BRD1: variants seen among roughly 807,000 people sequenced by gnomAD.
BRD1 encodes bromodomain containing 1, also known as bromodomain-containing protein 1.
Under a neutral mutation model 107.7 loss-of-function variants are expected in BRD1, and 24 were observed. The observed-to-expected ratio is 0.22, with a 90% confidence interval of 0.16 to 0.31. The LOEUF is 0.31. Among genes scored for constraint, BRD1 ranks in the 10% least tolerant of loss-of-function variants. BRD1 has a pLI of 1.00. For missense variants in BRD1, 1,279 were observed against 1,638.6 expected (o/e 0.78, Z 3.79); for synonymous variants, 744 against 686.1 (o/e 1.08, Z -1.32).
At position 49,827,721 on chromosome 22, in the gene BRD1, CGGGGCCCAGCTGGAGGCCCGGCTCGG is replaced by C. The variant is rs1176430345; in HGVS notation, c.-265_-240del. Among the ~76,000 whole-genome samples, 9 of 143,832 alleles carry C rather than the reference CGGGGCCCAGCTGGAGGCCCGGCTCGG, an allele frequency of 6.3e-5. No homozygotes were observed. Among genetic ancestry groups the C allele is most frequent in the Middle Eastern group, 3.6e-3 (1 of 276 alleles). The allele number at this position is 143,832 out of a possible 152,430, so 94.4% of individuals were successfully genotyped here. ...GGCTCGCGCGGCGCGGGCTCGGGCT[CGGGGCCCAGCTGGAGGCCCGGCTCGG>C]GGGGCCCGGCCGGCGGGCGCGGGCG... On this transcript the variant is annotated 5_prime_UTR_variant, in exon 1 of 13. Transcript: ENST00000404760.
rs926085426 is a variant in BRD1 at position 49,792,873 on chromosome 22, G to T, written c.2359+1161C>A. 5.9e-5 allele frequency among the ~76,000 whole-genome samples: 9 copies of T among 152,210 alleles called. No individual in the cohort carries two copies. The highest frequency in any genetic ancestry group is 2.2e-4 in the African/African-American group (9 of 41,444). Reference sequence around the variant, plus strand: ...GAAGCTCTGCAGACAGGAGCCACAAGAAGTTCAGGGGATGAAAAGGGCCCT... The same window carrying T: ...GAAGCTCTGCAGACAGGAGCCACAATAAGTTCAGGGGATGAAAAGGGCCCT... On this transcript the variant is annotated intron_variant, in intron 7 of 12. Transcript: ENST00000404760. The surrounding 1 kb of genome is among the most constrained non-coding windows in gnomAD (Gnocchi z 4.2).
At chr22:49,826,016 C>T in intron 1 of BRD1, 1 of 239,956 alleles carries the variant, frequency 4.2e-6, no homozygotes, top group South Asian at 1.5e-4. Context: ...GAGCTGTCAG[C>T]ACAGCCACCC....
At chr22:49,821,223 GTCA>G (rs1396400480) in intron 2 of BRD1, among the ~76,000 whole-genome samples, 3 of 152,220 alleles carry the variant, frequency 2.0e-5, no homozygotes, top group Non-Finnish European at 2.9e-5. Flanking sequence ...CCCAGAGCAG[GTCA>G]TCATCTGGTA....
At chr22:49,811,097 C>T (rs760682383) in intron 2 of BRD1, among the ~76,000 whole-genome samples, 3 of 151,826 alleles carry the variant, frequency 2.0e-5, no homozygotes, top group Non-Finnish European at 4.4e-5. Context: ...CCAGGGGGCA[C>T]GATGGATGGA....
chr22:49,817,410 C>A (rs924899992), intron 2 of BRD1: 1 of 157,070 alleles, frequency 6.4e-6, no homozygotes, highest in African/African-American at 2.4e-5. Context: ...ATGGGCTGGA[C>A]CAACTCATCT....
rs568418650 is a variant in BRD1, at chr22:49,793,984, A to T, written c.2359+50T>A. 3.9e-5 allele frequency: 62 copies of T among 1,574,480 alleles called. No homozygotes were observed. In the South Asian group the frequency reaches 5.5e-4, roughly 14 times the overall value. On this transcript the variant is annotated intron_variant, in intron 7 of 12. Coordinates refer to ENST00000404760, the MANE Select transcript of BRD1 (RefSeq NM_001304808.3). ...GGGTCTGTGCCTGTGCCTGTGCCTGAGCCTGAGCCGTGACGGCAAGAAAGC... is the reference window on the plus strand; with the variant it reads ...GGGTCTGTGCCTGTGCCTGTGCCTGTGCCTGAGCCGTGACGGCAAGAAAGC...
chr22:49,811,272 T>C (rs753088602), intron 2 of BRD1, among the ~76,000 whole-genome samples: 1 of 152,130 alleles, frequency 6.6e-6, no homozygotes, highest in Non-Finnish European at 1.5e-5. Context: ...GTTGGGGTAA[T>C]GGCTAAGAGG....
rs193184062 is a variant in BRD1, at chr22:49,776,034, C to T, written c.3231+16G>A. On this transcript the variant is annotated intron_variant, in intron 11 of 12. Transcript: ENST00000404760. ...GCCTCCTCTGGACCCGCAGGCGCCA[C>T]GAGAGCCGTACTCACCAGTGCCGGG... 1.2e-5 allele frequency: 19 copies of T among 1,599,360 alleles called. No individual in the cohort carries two copies. Among genetic ancestry groups the T allele is most frequent in the Admixed American group, 3.3e-5 (2 of 59,932 alleles).
chr22:49,808,942 C>A (rs1251285867), intron 2 of BRD1, among the ~76,000 whole-genome samples: 4 of 151,694 alleles, frequency 2.6e-5, no homozygotes, highest in African/African-American at 7.3e-5. Context: ...CATGGTGAAA[C>A]CCCATCTCTA....
intron 11 of BRD1, 95 bp from the exon 12 acceptor site, chr22:49,775,840 C>CCCCCCG: frequency 2.5e-6 from 3 of 1,223,912 alleles, no homozygotes; most frequent in South Asian, 2.0e-5. Context: ...CCCACCCCAG[C>CCCCCCG]TGTGTGAGCC....
rs747768983 is a variant in BRD1, at chr22:49,775,674, G to C, written c.3303C>G (p.Asp1101Glu). 1 of 1,613,664 alleles carries C rather than the reference G, an allele frequency of 6.2e-7. No individual in the cohort carries two copies. Among genetic ancestry groups the C allele is most frequent in the African/African-American group, 1.3e-5 (1 of 74,864 alleles). Residue 1101 changes from aspartate to glutamate, a missense_variant, in exon 12 of 13, where the codon GAC becomes GAG. By Grantham distance (45) the Asp-to-Glu change is conservative (BLOSUM62 2). This residue lies in a region of BRD1 where 136 missense variants were observed against 196.8 expected (regional missense o/e 0.69). Coordinates refer to ENST00000404760, the MANE Select transcript of BRD1 (RefSeq NM_001304808.3). ...GCATGTGCTCCCCAATCTTCAGCAC[G>C]TCCAGGGGTGGGGCCGGGATGGTGA... Reference protein sequence around the residue: ...NGVTIPAPPLDVLKIGEHMQT... With the variant: ...NGVTIPAPPLEVLKIGEHMQT...
chr22:49,796,117 G>C (rs1323677026), intron 6 of BRD1, among the ~76,000 whole-genome samples: 2 of 148,966 alleles, frequency 1.3e-5, no homozygotes. Context: ...TTTTGAGACA[G>C]TCTTGCTCTG....
intron 8 of BRD1, among the ~76,000 whole-genome samples, chr22:49,784,306 A>G (rs553371020): frequency 2.1e-5 from 3 of 145,608 alleles, no homozygotes; most frequent in African/African-American, 5.2e-5. Flanking sequence ...CGGCGAGTAG[A>G]CAAAGACACC....
rs889957614 is a variant in BRD1 at position 49,775,818 on chromosome 22, C to A, written c.3232-73G>T. 6.7e-5 allele frequency: 86 copies of A among 1,281,206 alleles called. 1 individual carries two copies. Among genetic ancestry groups the A allele is most frequent in the South Asian group, 5.5e-4 (28 of 51,276 alleles). 79.4% of individuals were successfully genotyped at this position (1,281,206 alleles called of 1,614,324 possible). A position where few individuals can be genotyped will look rare whatever the true frequency, so the allele number is the denominator to read the frequency against. ...AACAACCCCACCTGTCACTGGCACC[C>A]CCCCCCGCCTCCCCACCCCAGCTGT... is the stretch of plus-strand genomic sequence containing the variant. On this transcript the variant is annotated intron_variant, in intron 11 of 12. Transcript: ENST00000404760.
rs1332464203 is a variant in BRD1 at position 49,783,375 on chromosome 22, G to C, written c.2857+4015C>G. 1.3e-5 allele frequency among the ~76,000 whole-genome samples: 2 copies of C among 152,258 alleles called. No individual in the cohort carries two copies. Among genetic ancestry groups the C allele is most frequent in the African/African-American group, 4.8e-5 (2 of 41,468 alleles). ...AGTAAGGGGAGAAGGAAATCAGGTA[G>C]AAAACCCAGAAATACAGAAGATGCT... On this transcript the variant is annotated intron_variant, in intron 8 of 12. Transcript: ENST00000404760. This position sits in a 1 kb window ranked among gnomAD's most constrained non-coding sequence, Gnocchi z 4.2.
rs996721493 is a variant in BRD1 at position 49,773,605 on chromosome 22, A to G, written c.*628T>C. The G allele has an allele frequency of 4.6e-5, 7 of 152,680 alleles. No homozygotes were observed. Among genetic ancestry groups the G allele is most frequent in the East Asian group, 1.9e-4 (1 of 5,204 alleles). 9.5% of individuals were successfully genotyped at this position (152,680 alleles called of 1,614,324 possible). A position where few individuals can be genotyped will look rare whatever the true frequency, so the allele number is the denominator to read the frequency against. ...TTTTTATGTGCCTGTATAAAAATGC[A>G]TATCAATATACCTTTGCAAATGTAT... On this transcript the variant is annotated 3_prime_UTR_variant, in exon 13 of 13. Transcript: ENST00000404760.
At chr22:49,807,586 T>C (rs776959107) in intron 2 of BRD1, among the ~76,000 whole-genome samples, 2 of 152,204 alleles carry the variant, frequency 1.3e-5, no homozygotes, top group African/African-American at 4.8e-5. Flanking sequence ...AAGTTGGACC[T>C]TGCCTCATTT....
rs1321458451 is a variant in BRD1, at chr22:49,787,629, G to A, written c.2618C>T (p.Pro873Leu). Residue 873 changes from proline (P) to leucine (L), a missense_variant, in exon 8 of 13, where the codon CCA becomes CTA. Coordinates refer to ENST00000404760, the MANE Select transcript of BRD1 (RefSeq NM_001304808.3). ...AGTGCGTCTGTTTACATCGCTTGCT[G>A]GCTCCGCCACCGCGGAGGCCGCCGC... ...PAAAASAVAE[P>L]ASDVNRRTSV... 3 of 1,550,912 alleles carry A rather than the reference G, an allele frequency of 1.9e-6. No individual in the cohort carries two copies. The highest frequency in any genetic ancestry group is 1.4e-5 in the African/African-American group (1 of 73,076).
Position 49,783,493 on chromosome 22 carries a change from G to A in BRD1, c.2857+3897C>T, listed in dbSNP as rs547027950. Among the ~76,000 whole-genome samples the A allele has an allele frequency of 4.6e-5, 7 of 152,350 alleles. No homozygotes were observed. Among genetic ancestry groups the A allele is most frequent in the Admixed American group, 1.3e-4 (2 of 15,310 alleles). ...CCCCATGGCACAGACACAGCACAAC[G>A]CGCCTGGGCATGGCCGTCACACCCA... On this transcript the variant is annotated intron_variant, in intron 8 of 12. Coordinates refer to ENST00000404760, the MANE Select transcript of BRD1 (RefSeq NM_001304808.3). This position sits in a 1 kb window ranked among gnomAD's most constrained non-coding sequence, Gnocchi z 4.2.
Sources: allele counts gnomAD v4.1 joint callset (sites outside exome capture counted in the v4.1 genomes callset), GRCh38; gene constraint gnomAD v4.1.1; regional missense constraint gnomAD v4.1.1; non-coding constraint Gnocchi (gnomAD v3.1); transcripts MANE v1.5; gene names NCBI Gene and HGNC (gene_info 2026-07-23, HGNC 2026-07-21).